The following ATG4B variants were observed in gnomAD, a reference collection of about 807,000 sequenced individuals.
ATG4B encodes the protein cysteine protease ATG4B.
ATG4B carries 29 observed loss-of-function variants against 56.6 expected under a neutral mutation model. The observed-to-expected ratio is 0.51, with a 90% CI of 0.38 to 0.70. ATG4B has a LOEUF of 0.70. Among genes scored for constraint, ATG4B ranks in the 30% least tolerant of loss-of-function variants. The pLI is 0.00. For synonymous variants in ATG4B, 224 were observed against 206.1 expected (o/e 1.09, Z -0.74); for missense variants, 461 against 515.5 (o/e 0.89, Z 1.02).
intron 1 of ATG4B, among the ~76,000 whole-genome samples, chr2:241,650,299 C>T (rs893075601): frequency 6.6e-6 from 1 of 152,244 alleles, no homozygotes; most frequent in East Asian, 1.9e-4. Context: ...CCTCTGGGGA[C>T]TTGGCAGAGA....
chr2:241,649,063 A>G (rs564821678), intron 1 of ATG4B, among the ~76,000 whole-genome samples: 1 of 152,264 alleles, frequency 6.6e-6, no homozygotes, highest in South Asian at 2.1e-4. Context: ...ATCCCATTTT[A>G]TGGATGAGGG....
chr2:241,673,671 T>A lies in ATG4B; in HGVS notation c.*1407T>A. On this transcript the variant is annotated 3_prime_UTR_variant, in exon 13 of 13. Coordinates refer to ENST00000404914, the MANE Select transcript of ATG4B (RefSeq NM_013325.5). The stretch of plus-strand genomic sequence containing the variant: ...CTGGTGCGATCTCCATTCCTTGGGC[T>A]CCACGTCCGAGTTCATGGTGCGCCG... The A allele has an allele frequency of 2.2e-6, 1 of 456,160 alleles. No individual in the cohort carries two copies. Among genetic ancestry groups the A allele is most frequent in the Non-Finnish European group, 4.4e-6 (1 of 227,074 alleles). 28.3% of individuals were successfully genotyped at this position (456,160 alleles called of 1,614,324 possible).
In ATG4B at chr2:241,651,251, A is replaced by G. The variant is rs375048852; in HGVS notation, c.113-13A>G. 2.5e-6 allele frequency: 4 copies of G among 1,589,460 alleles called. No individual in the cohort carries two copies. Among genetic ancestry groups the G allele is most frequent in the Non-Finnish European group, 3.4e-6 (4 of 1,168,012 alleles). ...TGTGTGTGTGTGTTTTTTTTCTTTT[A>G]AACAACCTCTAGAAAAGGACGAGAT... On this transcript the variant is annotated splice_polypyrimidine_tract_variant and intron_variant, in intron 2 of 12. Coordinates refer to ENST00000404914, the MANE Select transcript of ATG4B (RefSeq NM_013325.5). The surrounding 1 kb of genome is among the most constrained non-coding windows in gnomAD (Gnocchi z 4.1).
At position 241,668,617 on chromosome 2, in the gene ATG4B, G is replaced by C; in HGVS notation, c.889G>C (p.Glu297Gln). Reference protein sequence around the residue: ...EPTDGCFIPDESFHCQHPPCR... With the variant: ...EPTDGCFIPDQSFHCQHPPCR... ...CACTGATGGCTGCTTCATCCCGGACGAGAGCTTCCACTGCCAGCACCCGCC... is the reference window on the plus strand; with the variant it reads ...CACTGATGGCTGCTTCATCCCGGACCAGAGCTTCCACTGCCAGCACCCGCC... Residue 297 changes from glutamate (E) to glutamine (Q), a missense_variant, in exon 10 of 13, where the codon GAG becomes CAG. Physicochemically the swap from Glu to Gln is conservative, Grantham distance 29. Coordinates refer to ENST00000404914, the MANE Select transcript of ATG4B (RefSeq NM_013325.5). The surrounding 1 kb of genome is among the most constrained non-coding windows in gnomAD (Gnocchi z 4.2). 1 of 1,590,652 alleles carries C rather than the reference G, an allele frequency of 6.3e-7. No individual in the cohort carries two copies. Among genetic ancestry groups the C allele is most frequent in the South Asian group, 1.1e-5 (1 of 87,930 alleles).
intron 1 of ATG4B, among the ~76,000 whole-genome samples, chr2:241,642,281 A>G (rs1222227036): frequency 2.0e-5 from 3 of 151,778 alleles, no homozygotes; most frequent in African/African-American, 7.3e-5. Flanking sequence ...GTGTGCACTG[A>G]AACAGTGTTT....
intron 5 of ATG4B, 22 bp downstream of exon 5, chr2:241,654,669 C>T: frequency 1.9e-6 from 3 of 1,566,006 alleles, no homozygotes; most frequent in Non-Finnish European, 2.6e-6. Context: ...CAGAATGTGC[C>T]AGGCCCCACC....
chr2:241,658,562 CT>C (rs1487974027), intron 6 of ATG4B, among the ~76,000 whole-genome samples: 4 of 152,208 alleles, frequency 2.6e-5, no homozygotes, highest in Admixed American at 1.3e-4. Context: ...TCGTGTTAGA[CT>C]TTTGGCTGCA....
chr2:241,639,226 C>T (rs1049094366), intron 1 of ATG4B, among the ~76,000 whole-genome samples: 7 of 152,346 alleles, frequency 4.6e-5, no homozygotes, highest in South Asian at 2.1e-4. Flanking sequence ...GCAACTCCCA[C>T]GGCGGACTCC....
At chr2:241,657,663 C>G (rs756583469) in intron 6 of ATG4B, among the ~76,000 whole-genome samples, 10 of 152,132 alleles carry the variant, frequency 6.6e-5, no homozygotes, top group Admixed American at 2.6e-4. Context: ...TTCAGTGGGC[C>G]CATTCAAAAT....
At chr2:241,649,635 G>A (rs923010688) in intron 1 of ATG4B, among the ~76,000 whole-genome samples, 2 of 152,244 alleles carry the variant, frequency 1.3e-5, no homozygotes, top group Non-Finnish European at 2.9e-5. Flanking sequence ...CGCCACATGG[G>A]TGTTTGGGCT....
intron 4 of ATG4B, among the ~76,000 whole-genome samples, chr2:241,654,064 C>T (rs1170943389): frequency 6.7e-6 from 1 of 148,850 alleles, no homozygotes; most frequent in Non-Finnish European, 1.5e-5. Context: ...GTTTTCTGTA[C>T]AGATTTGTTT....
intron 1 of ATG4B, among the ~76,000 whole-genome samples, chr2:241,642,830 CT>C (rs2067935400): frequency 7.6e-6 from 1 of 132,222 alleles, no homozygotes; most frequent in South Asian, 2.5e-4. Context: ...AGAACTGCTT[CT>C]AAGGGGGACT....
intron 1 of ATG4B, among the ~76,000 whole-genome samples, chr2:241,640,533 T>C (rs1448863174): frequency 6.6e-6 from 1 of 152,208 alleles, no homozygotes; most frequent in African/African-American, 2.4e-5. Flanking sequence ...TTCTAGACAC[T>C]AGGACTAGAG....
Position 241,673,331 on chromosome 2 carries a change from C to G in ATG4B, c.*1067C>G, listed in dbSNP as rs1468085943. The G allele has an allele frequency of 2.8e-6, 1 of 354,088 alleles. No homozygotes were observed. Among genetic ancestry groups the G allele is most frequent in the Non-Finnish European group, 5.6e-6 (1 of 178,260 alleles). 21.9% of individuals were successfully genotyped at this position (354,088 alleles called of 1,614,324 possible). On this transcript the variant is annotated 3_prime_UTR_variant, in exon 13 of 13. Transcript: ENST00000404914. ...CTGCTGTCCCGGGTCCCAGAGTGCA[C>G]TCTGCCCCGCTGCTCTGCTGCCTGT...
At chr2:241,660,375 G>A (rs891744972) in intron 7 of ATG4B, among the ~76,000 whole-genome samples, 1 of 152,200 alleles carries the variant, frequency 6.6e-6, no homozygotes, top group Non-Finnish European at 1.5e-5. Flanking sequence ...ATCCTCGGGG[G>A]CATTGTGACA....
intron 3 of ATG4B, 76 bp from the exon 4 acceptor site, chr2:241,653,436 C>T (rs1575069271): frequency 1.3e-6 from 2 of 1,551,032 alleles, no homozygotes; most frequent in African/African-American, 1.4e-5. Flanking sequence ...GACTGACCGG[C>T]TGCCTCCTGC....
At chr2:241,652,069 G>A (rs1195256818) in intron 3 of ATG4B, 2 of 904,988 alleles carry the variant, frequency 2.2e-6, no homozygotes, top group Admixed American at 2.6e-5. Context: ...GAAGTGAGGT[G>A]GAAGTCAAAT....
At chr2:241,639,874 A>G (rs2067831986) in intron 1 of ATG4B, among the ~76,000 whole-genome samples, 1 of 152,192 alleles carries the variant, frequency 6.6e-6, no homozygotes, top group Admixed American at 6.5e-5. Flanking sequence ...AATTAGAGGA[A>G]AGCGCACCAA....
At chr2:241,645,886 G>GGAGCAGAGCAGCTTGGGGCAC (rs2068047021) in intron 1 of ATG4B, among the ~76,000 whole-genome samples, 2 of 152,328 alleles carry the variant, frequency 1.3e-5, no homozygotes, top group African/African-American at 4.8e-5. Context: ...TCTGGACGGA[G>GGAGCAGAGCAGCTTGGGGCAC]GAGCAGAGCA....
Sources: allele counts gnomAD v4.1 joint callset (sites outside exome capture counted in the v4.1 genomes callset), GRCh38; gene constraint gnomAD v4.1.1; non-coding constraint Gnocchi (gnomAD v3.1); transcripts MANE v1.5; gene names NCBI Gene and HGNC (gene_info 2026-07-23, HGNC 2026-07-21).